Variants in ZNF469 observed in about 807,000 individuals in gnomAD.
The protein encoded by ZNF469 is zinc finger protein 469.
A neutral mutation model predicts 1.0 loss-of-function variants in ZNF469; 1 was observed. The ratio of observed to expected loss-of-function variants is 1.00; its 90% confidence interval spans 0.35 to 4.73. The LOEUF is 4.73. ZNF469 is among the 30% of genes most tolerant of loss of function. The pLI is 0.16. For missense variants in ZNF469, 6,100 were observed against 5,356.3 expected, an observed-to-expected ratio of 1.14 and a Z score of -4.33; for synonymous variants, 2,703 against 2,363.4, an observed-to-expected ratio of 1.14 and a Z score of -4.17.
chr16:88,368,082 C>G, the ZNF469 span, among the ~76,000 whole-genome samples: 1 of 152,238 alleles, frequency 6.6e-6, no homozygotes, highest in Non-Finnish European at 1.5e-5. Flanking sequence ...ATAATAGCAG[C>G]GAGGGCAGAG....
rs1320502484 is a variant in ZNF469 at position 88,430,321 on chromosome 16, T to C, written c.2851T>C (p.Leu951=). 8 of 1,515,174 alleles carry C rather than the reference T, an allele frequency of 5.3e-6. No individual in the cohort carries two copies. Among genetic ancestry groups the C allele is most frequent in the Non-Finnish European group, 7.0e-6 (8 of 1,135,410 alleles). The allele number at this position is 1,515,174 out of a possible 1,614,324, so 93.9% of individuals were successfully genotyped here. ...CAGGCAGCAGAGGAGGGGGAAGCAG[T>C]TGAAGCTGTTCCGGAAGGATCTGGA... ...QGRQQRRGKQ[L]KLFRKDLDSG... is the part of the protein sequence containing the mutation. Residue 951 remains leucine (L), a synonymous_variant, in exon 3 of 3, where the codon TTG becomes CTG. Coordinates refer to ENST00000565624, the MANE Select transcript of ZNF469 (RefSeq NM_001367624.2).
At chr16:88,319,878 T>G in the ZNF469 span, among the ~76,000 whole-genome samples, 1 of 152,210 alleles carries the variant, frequency 6.6e-6, no homozygotes, top group South Asian at 2.1e-4. Context: ...GGCCCCTATC[T>G]TCCAAGGAAA....
the ZNF469 span, among the ~76,000 whole-genome samples, chr16:88,186,039 T>C: frequency 6.6e-6 from 1 of 152,234 alleles, no homozygotes; most frequent in Non-Finnish European, 1.5e-5. Context: ...ACAGGCCTTG[T>C]CCTGGGGACG....
the ZNF469 span, among the ~76,000 whole-genome samples, chr16:88,316,234 A>G: frequency 6.6e-6 from 1 of 152,224 alleles, no homozygotes; most frequent in Non-Finnish European, 1.5e-5. Flanking sequence ...GGCTGGGTCC[A>G]GGAATCTGGA....
At chr16:88,155,778 T>A in the ZNF469 span, among the ~76,000 whole-genome samples, 1 of 152,242 alleles carries the variant, frequency 6.6e-6, no homozygotes, top group Non-Finnish European at 1.5e-5. Context: ...TCAGTTTCTA[T>A]GTGGGCATCG....
At chr16:88,237,152 G>GTGCTCCTGCCACTC in the ZNF469 span, among the ~76,000 whole-genome samples, 2 of 70,336 alleles carry the variant, frequency 2.8e-5, no homozygotes, top group Non-Finnish European at 6.1e-5. Flanking sequence ...TCCTGCCACG[G>GTGCTCCTGCCACTC]ACCCTCCCTG....
At chr16:88,208,811 T>A in the ZNF469 span, among the ~76,000 whole-genome samples, 82,444 of 128,044 alleles carry the variant, frequency 0.64, 26,571 homozygotes, top group Non-Finnish European at 0.75. Context: ...ACACTCTCTC[T>A]CTCTCTCTCT....
the ZNF469 span, among the ~76,000 whole-genome samples, chr16:88,292,798 C>CAAAA: frequency 2.3e-4 from 25 of 111,058 alleles, 1 homozygote; most frequent in South Asian, 2.1e-3. Flanking sequence ...CCTGTGTTAT[C>CAAAA]AAAAAAAAAA....
the ZNF469 span, among the ~76,000 whole-genome samples, chr16:88,126,200 A>G: frequency 6.7e-6 from 1 of 148,680 alleles, no homozygotes; most frequent in Non-Finnish European, 1.5e-5. Context: ...AAAAAAAAAA[A>G]AAAAAAAAAA....
intron 1 of ZNF469, among the ~76,000 whole-genome samples, chr16:88,415,917 C>T (rs576367739): frequency 2.0e-5 from 3 of 152,244 alleles, no homozygotes; most frequent in Non-Finnish European, 4.4e-5. Context: ...GCAGCCCGGC[C>T]CCTCCCAGGA....
At chr16:88,213,539 G>A in the ZNF469 span, among the ~76,000 whole-genome samples, 2 of 152,286 alleles carry the variant, frequency 1.3e-5, no homozygotes, top group Admixed American at 1.3e-4. Flanking sequence ...AAGTCTTCGG[G>A]GTGAGCATGG....
the ZNF469 span, among the ~76,000 whole-genome samples, chr16:88,291,496 C>T: frequency 1.1e-4 from 17 of 152,218 alleles, no homozygotes; most frequent in South Asian, 2.1e-4. Flanking sequence ...CTCTTCGCAT[C>T]GGGCAGCCAT....
chr16:88,318,281 G>A, the ZNF469 span, among the ~76,000 whole-genome samples: 6 of 152,210 alleles, frequency 3.9e-5, no homozygotes, highest in Non-Finnish European at 5.9e-5. Flanking sequence ...CAGTGGGCCC[G>A]GGTCTGTTAC....
chr16:88,221,638 C>T, the ZNF469 span, among the ~76,000 whole-genome samples: 19 of 152,232 alleles, frequency 1.2e-4, no homozygotes, highest in Admixed American at 3.9e-4. Flanking sequence ...TGAGAGCCCC[C>T]GTCATGCATC....
chr16:88,357,588 G>C, the ZNF469 span, among the ~76,000 whole-genome samples: 2 of 152,226 alleles, frequency 1.3e-5, no homozygotes, highest in South Asian at 2.1e-4. Context: ...GCAGGCGGGG[G>C]CCTGGGCAGG....
At chr16:88,291,026 T>A in the ZNF469 span, among the ~76,000 whole-genome samples, 1 of 152,146 alleles carries the variant, frequency 6.6e-6, no homozygotes, top group Non-Finnish European at 1.5e-5. Flanking sequence ...ATCTGGGAAG[T>A]CTCGCTGAGT....
In ZNF469 at chr16:88,427,492, G is replaced by A; in HGVS notation, c.22G>A (p.Gly8Arg). 6 of 1,526,364 alleles carry A rather than the reference G, an allele frequency of 3.9e-6. No homozygotes were observed. The highest frequency in any genetic ancestry group is 2.4e-5 in the South Asian group (2 of 83,032). The allele number at this position is 1,526,364 out of a possible 1,614,324, so 94.6% of individuals were successfully genotyped here. The change falls in exon 3 of 3, where the codon GGA (glycine) becomes AGA (arginine). Residue 8 changes from glycine to arginine, a missense_variant. Gly to Arg is a moderately radical substitution (Grantham distance 125). Coordinates refer to ENST00000565624, the MANE Select transcript of ZNF469 (RefSeq NM_001367624.2). ...GGCCATGCCTGGGGAGCGCCCCCGA[G>A]GAGCGCCGCCCCCCACCATGACTGG... is the stretch of plus-strand genomic sequence containing the variant. MPGERPR[G>R]APPPTMTGDL...
the ZNF469 span, among the ~76,000 whole-genome samples, chr16:88,135,949 C>T: frequency 2.6e-5 from 4 of 151,878 alleles, no homozygotes; most frequent in Admixed American, 6.6e-5. Context: ...TTAGTAGAGA[C>T]GGGGTTTCAC....
chr16:88,131,898 G>C, the ZNF469 span, among the ~76,000 whole-genome samples: 3 of 152,234 alleles, frequency 2.0e-5, no homozygotes, highest in African/African-American at 7.2e-5. Flanking sequence ...ACCTGCCCGC[G>C]CCCACCTGCC....
Sources: allele counts gnomAD v4.1 joint callset (sites outside exome capture counted in the v4.1 genomes callset), GRCh38; gene constraint gnomAD v4.1.1; transcripts MANE v1.5; gene names NCBI Gene and HGNC (gene_info 2026-07-23, HGNC 2026-07-21).